The following RBFOX1 variants were observed in gnomAD, a reference collection of about 807,000 sequenced individuals.
RBFOX1 encodes RNA binding fox-1 homolog 1, also known as RNA binding protein fox-1 homolog 1.
Under a neutral mutation model 57.7 loss-of-function variants are expected in RBFOX1, and 8 were observed. The ratio of observed to expected loss-of-function variants is 0.14; its 90% CI spans 0.08 to 0.25. RBFOX1 has a LOEUF of 0.25. RBFOX1 is among the 10% of genes least tolerant of loss of function. The pLI, the probability that RBFOX1 is intolerant of heterozygous loss-of-function variation, is 1.00. For synonymous variants in RBFOX1, 326 were observed against 222.4 expected, an observed-to-expected ratio of 1.47 and a Z score of -4.15; for missense variants, 611 against 548.5, an observed-to-expected ratio of 1.11 and a Z score of -1.14.
At chr16:5,653,845 G>A (rs970597377) in intron 3 of RBFOX1, among the ~76,000 whole-genome samples, 2 of 152,190 alleles carry the variant, frequency 1.3e-5, no homozygotes, top group South Asian at 2.1e-4. Flanking sequence ...TCAGGGGTCC[G>A]TGGCAAACTC....
In RBFOX1 at chr16:7,394,009, G is replaced by T. The variant is rs1462097754; in HGVS notation, c.28-124138G>T. Among the ~76,000 whole-genome samples, 3 of 152,054 alleles carry T rather than the reference G, an allele frequency of 2.0e-5. No individual in the cohort carries two copies. The South Asian group carries it at 6.2e-4, about 32-fold the overall frequency. On this transcript the variant is annotated intron_variant, in intron 4 of 15. Coordinates refer to ENST00000550418, the MANE Select transcript of RBFOX1 (RefSeq NM_018723.4). The stretch of plus-strand genomic sequence containing the variant: ...CTAGCCCTTTGGGAGTCCAAGGTGG[G>T]CAGATCACCTGAGGTCAGGAGTTGG...
chr16:6,866,133 T>A lies in RBFOX1; in HGVS notation c.-15-185924T>A, dbSNP rs371664246. Among the ~76,000 whole-genome samples, 116 of 152,310 alleles carry A rather than the reference T, an allele frequency of 7.6e-4. 7 individuals are homozygous for A. In the South Asian group the frequency reaches 0.023, roughly 31 times the overall value. On this transcript the variant is annotated intron_variant, in intron 3 of 15. Transcript: ENST00000550418. ...CTCTCCTTTTCTTTCCCCAGCTCTT[T>A]TTCTATCTAATATGCATTTTTCTTT...
rs556330371 is a variant in RBFOX1 at position 6,976,984 on chromosome 16, A to C, written c.-15-75073A>C. Among the ~76,000 whole-genome samples the C allele has an allele frequency of 1.5e-3, 224 of 147,316 alleles. 1 individual carries two copies. Among genetic ancestry groups the C allele is most frequent in the African/African-American group, 5.5e-3 (222 of 40,596 alleles). On this transcript the variant is annotated intron_variant, in intron 3 of 15. Coordinates refer to ENST00000550418, the MANE Select transcript of RBFOX1 (RefSeq NM_018723.4). ...TTAAATATCCTATATCACATATCAT[A>C]TATATCACATGCCATATATTGTATA...
chr16:7,474,306 C>G (rs1263590834), intron 4 of RBFOX1, among the ~76,000 whole-genome samples: 7 of 151,956 alleles, frequency 4.6e-5, no homozygotes, highest in Admixed American at 3.3e-4. Context: ...AGAAAACAAA[C>G]AAACAAAAAG....
At chr16:6,399,209 G>A (rs573758615) in intron 2 of RBFOX1, among the ~76,000 whole-genome samples, 3 of 152,372 alleles carry the variant, frequency 2.0e-5, no homozygotes, top group South Asian at 4.1e-4. Flanking sequence ...GAGCAGGGTG[G>A]CCCTGGGCCT....
At chr16:6,878,177 C>G (rs928173312) in intron 3 of RBFOX1, among the ~76,000 whole-genome samples, 1 of 152,064 alleles carries the variant, frequency 6.6e-6, no homozygotes, top group East Asian at 1.9e-4. Flanking sequence ...TTCCACTTCC[C>G]CAAGCAATAT....
chr16:7,027,280 C>G (rs1403961417), intron 3 of RBFOX1, among the ~76,000 whole-genome samples: 2 of 152,154 alleles, frequency 1.3e-5, no homozygotes, highest in African/African-American at 4.8e-5. Flanking sequence ...GATGAATAAT[C>G]TTTTAGGGTA....
At chr16:5,729,396 C>CTTTTT (rs71142649) in intron 3 of RBFOX1, among the ~76,000 whole-genome samples, 196 of 111,210 alleles carry the variant, frequency 1.8e-3, no homozygotes, top group Middle Eastern at 0.01. Flanking sequence ...TTTTTCTTTT[C>CTTTTT]TTTTTTTTTT....
At chr16:5,625,723 A>G (rs570389281) in intron 3 of RBFOX1, among the ~76,000 whole-genome samples, 1 of 151,016 alleles carries the variant, frequency 6.6e-6, no homozygotes, top group Non-Finnish European at 1.5e-5. Context: ...ATGCTCAGCA[A>G]ATTTTTGTAT....
intron 2 of RBFOX1, among the ~76,000 whole-genome samples, chr16:6,466,282 A>G (rs527408907): frequency 4.6e-5 from 7 of 151,912 alleles, no homozygotes; most frequent in South Asian, 2.1e-4. Flanking sequence ...ATCCATGGTT[A>G]TAATATTCTT....
At chr16:7,000,849 G>A (rs1048565149) in intron 3 of RBFOX1, among the ~76,000 whole-genome samples, 27 of 151,948 alleles carry the variant, frequency 1.8e-4, no homozygotes, top group Non-Finnish European at 2.5e-4. Flanking sequence ...TGATCCGCCC[G>A]CCTCGGCCTC....
At chr16:7,095,803 G>A (rs559021278) in intron 4 of RBFOX1, among the ~76,000 whole-genome samples, 1 of 152,214 alleles carries the variant, frequency 6.6e-6, no homozygotes, top group South Asian at 2.1e-4. Context: ...ATGAGGTCAG[G>A]AGATCGAGAC....
At chr16:7,248,728 A>G (rs1027147863) in intron 4 of RBFOX1, among the ~76,000 whole-genome samples, 5 of 152,210 alleles carry the variant, frequency 3.3e-5, no homozygotes, top group Admixed American at 3.3e-4. Context: ...TCATCCAGAG[A>G]TAATGTGAAT....
At chr16:7,368,334 A>C (rs2097501976) in intron 4 of RBFOX1, among the ~76,000 whole-genome samples, 1 of 151,864 alleles carries the variant, frequency 6.6e-6, no homozygotes, top group African/African-American at 2.4e-5. Flanking sequence ...TAGTCTATCC[A>C]TTTTGGGGTT....
chr16:7,497,824 A>G (rs984537275), intron 4 of RBFOX1, among the ~76,000 whole-genome samples: 1 of 152,256 alleles, frequency 6.6e-6, no homozygotes, highest in Non-Finnish European at 1.5e-5. Context: ...AGCATTCTGC[A>G]TACTGGAGCG....
chr16:7,227,652 G>A (rs769251945), intron 4 of RBFOX1, among the ~76,000 whole-genome samples: 6 of 152,266 alleles, frequency 3.9e-5, no homozygotes, highest in South Asian at 2.1e-4. Flanking sequence ...GGAGATGGGG[G>A]TGGGGGATTT....
At position 6,097,512 on chromosome 16, in the gene RBFOX1, C is replaced by G. The variant is rs2096259665; in HGVS notation, c.-127+77520C>G. On this transcript the variant is annotated intron_variant, in intron 1 of 15. Coordinates refer to ENST00000550418, the MANE Select transcript of RBFOX1 (RefSeq NM_018723.4). This position sits in a 1 kb window ranked among gnomAD's most constrained non-coding sequence, Gnocchi z 5.0. ...TGGTGGCAGGAACCAGCAATCTGTG[C>G]TTTCAACAAGCTCTCTGAGTGCTTC... 6.6e-6 allele frequency among the ~76,000 whole-genome samples: 1 copy of G among 152,164 alleles called. No homozygotes were observed. Among genetic ancestry groups the G allele is most frequent in the Admixed American group, 6.5e-5 (1 of 15,268 alleles).
intron 3 of RBFOX1, among the ~76,000 whole-genome samples, chr16:6,989,422 G>T (rs1225310054): frequency 1.3e-5 from 2 of 152,090 alleles, no homozygotes; most frequent in Non-Finnish European, 2.9e-5. Flanking sequence ...TTATTTAACG[G>T]TGCAATTAGA....
chr16:5,903,242 C>G (rs2058353296), intron 4 of RBFOX1, among the ~76,000 whole-genome samples: 2 of 152,198 alleles, frequency 1.3e-5, no homozygotes, highest in African/African-American at 4.8e-5. Context: ...CCATAATATT[C>G]TCCACTCTAC....
Sources: allele counts gnomAD v4.1 joint callset (sites outside exome capture counted in the v4.1 genomes callset), GRCh38; gene constraint gnomAD v4.1.1; non-coding constraint Gnocchi (gnomAD v3.1); transcripts MANE v1.5; gene names NCBI Gene and HGNC (gene_info 2026-07-23, HGNC 2026-07-21).